The following PRICKLE1 variants were observed in gnomAD, a reference collection of about 807,000 sequenced individuals.
PRICKLE1 encodes the protein prickle planar cell polarity protein 1.
A neutral mutation model predicts 70.2 loss-of-function variants in PRICKLE1; 14 were observed. The observed-to-expected ratio is 0.20, with a 90% CI of 0.13 to 0.31. PRICKLE1 has a LOEUF of 0.31. Ranked by LOEUF, PRICKLE1 falls within the 10% of genes least tolerant of loss-of-function variation. PRICKLE1 has a pLI of 1.00. For missense variants in PRICKLE1, 821 were observed against 1,026.2 expected, an observed-to-expected ratio of 0.80 and a Z score of 2.73; for synonymous variants, 357 against 379.9, an observed-to-expected ratio of 0.94 and a Z score of 0.70.
chr12:42,550,606 C>T (rs975710963), intron 1 of PRICKLE1, among the ~76,000 whole-genome samples: 2 of 152,182 alleles, frequency 1.3e-5, no homozygotes, highest in Admixed American at 1.3e-4. Flanking sequence ...CCCTATAGTA[C>T]TACCTGAATT....
chr12:42,583,907 C>A (rs1340385354), intron 1 of PRICKLE1, among the ~76,000 whole-genome samples: 2 of 152,132 alleles, frequency 1.3e-5, no homozygotes, highest in Non-Finnish European at 2.9e-5. Flanking sequence ...CCAAAATTGT[C>A]CTGGAAACAG....
intron 1 of PRICKLE1, among the ~76,000 whole-genome samples, chr12:42,566,160 T>C (rs964550657): frequency 2.6e-5 from 4 of 152,070 alleles, no homozygotes; most frequent in Admixed American, 6.6e-5. Context: ...CTCTGCTTTG[T>C]GGAAGAGGCC....
chr12:42,565,609 A>G (rs1472301349), intron 1 of PRICKLE1, among the ~76,000 whole-genome samples: 2 of 152,246 alleles, frequency 1.3e-5, no homozygotes, highest in African/African-American at 4.8e-5. Context: ...CACAACAACC[A>G]AAGCAGTCAT....
rs1424291875 is a variant in PRICKLE1, at chr12:42,466,330, C to T, written c.639G>A (p.Met213Ile). 1 of 1,614,084 alleles carries T rather than the reference C, an allele frequency of 6.2e-7. No individual in the cohort carries two copies. The highest frequency in any genetic ancestry group is 8.5e-7 in the Non-Finnish European group (1 of 1,180,052). Residue 213 changes from methionine (M) to isoleucine (I), a missense_variant, in exon 6 of 8, where the codon ATG becomes ATA. By Grantham distance (10) the Met-to-Ile change is conservative (BLOSUM62 1). Transcript: ENST00000345127. ...CACACTCAAGGCAGCAGAAGTGTTT[C>T]ATGTGCCAATGGCGACCCTCAGCTT... Reference protein sequence around the residue: ...CTEAEGRHWHMKHFCCLECET... With the variant: ...CTEAEGRHWHIKHFCCLECET...
intron 1 of PRICKLE1, among the ~76,000 whole-genome samples, chr12:42,506,035 T>C (rs1939403392): frequency 6.6e-6 from 1 of 152,118 alleles, no homozygotes; most frequent in Non-Finnish European, 1.5e-5. Context: ...ATTTTAAGTT[T>C]TCATTCATTA....
chr12:42,577,431 C>G (rs937425338), intron 1 of PRICKLE1, among the ~76,000 whole-genome samples: 2 of 152,030 alleles, frequency 1.3e-5, no homozygotes, highest in Non-Finnish European at 2.9e-5. Context: ...ACTGGCCACA[C>G]TGAATAATAA....
chr12:42,512,281 G>A lies in PRICKLE1; in HGVS notation c.-48-39717C>T, dbSNP rs796131821. 4.0e-5 allele frequency among the ~76,000 whole-genome samples: 6 copies of A among 151,504 alleles called. No individual in the cohort carries two copies. In the East Asian group the frequency reaches 7.9e-4, roughly 20 times the overall value. ...TGCCTCCCAGGTTCAAGCAATTCTT[G>A]TGCCTCAGCCTCCTGAGTAGCTGGG... On this transcript the variant is annotated intron_variant, in intron 1 of 7. Transcript: ENST00000345127.
chr12:42,465,381 A>C, intron 6 of PRICKLE1, 123 bp from the exon 7 acceptor site: 1 of 854,046 alleles, frequency 1.2e-6, no homozygotes, highest in Non-Finnish European at 1.8e-6. Flanking sequence ...GGTGACACAG[A>C]TATAATTAAT....
intron 1 of PRICKLE1, among the ~76,000 whole-genome samples, chr12:42,534,914 A>G (rs1440326351): frequency 1.3e-5 from 2 of 152,246 alleles, no homozygotes; most frequent in African/African-American, 4.8e-5. Flanking sequence ...TGCAGTAGAT[A>G]TGTATGGTTT....
chr12:42,568,824 A>G (rs774742759), intron 1 of PRICKLE1, among the ~76,000 whole-genome samples: 10 of 152,160 alleles, frequency 6.6e-5, no homozygotes, highest in Non-Finnish European at 1.2e-4. Context: ...GTAATTTCTC[A>G]TTCTTCAACC....
intron 1 of PRICKLE1, among the ~76,000 whole-genome samples, chr12:42,587,770 T>C (rs1236191227): frequency 1.3e-5 from 2 of 152,224 alleles, no homozygotes; most frequent in African/African-American, 2.4e-5. Context: ...GACAGCAAGA[T>C]GAATGGCTGC....
At chr12:42,588,862 T>C (rs1204484719) in intron 1 of PRICKLE1, among the ~76,000 whole-genome samples, 3 of 152,192 alleles carry the variant, frequency 2.0e-5, no homozygotes, top group Non-Finnish European at 4.4e-5. Context: ...CTAATAACTA[T>C]TAACATGCCT....
At chr12:42,502,260 TATATACCTAC>T (rs1224990915) in intron 1 of PRICKLE1, among the ~76,000 whole-genome samples, 2 of 147,396 alleles carry the variant, frequency 1.4e-5, no homozygotes, top group Non-Finnish European at 3.0e-5. Context: ...CACCTATATA[TATATACCTAC>T]ATATATATAT....
intron 1 of PRICKLE1, among the ~76,000 whole-genome samples, chr12:42,549,950 T>A (rs1286066467): frequency 6.6e-6 from 1 of 152,190 alleles, no homozygotes; most frequent in African/African-American, 2.4e-5. Flanking sequence ...ACTAACAACT[T>A]GGGAAACTTC....
At chr12:42,511,989 G>A (rs1939520734) in intron 1 of PRICKLE1, among the ~76,000 whole-genome samples, 1 of 152,142 alleles carries the variant, frequency 6.6e-6, no homozygotes, top group Non-Finnish European at 1.5e-5. Context: ...ATCTGCATCT[G>A]ACTCCCCTTA....
rs184308016 is a variant in PRICKLE1 at position 42,499,193 on chromosome 12, G to A, written c.-48-26629C>T. ...AAAAAAATCCTTATAACAACATAAG[G>A]TGGATCTTATTTTCCCATTTTACAA... On this transcript the variant is annotated intron_variant, in intron 1 of 7. Coordinates refer to ENST00000345127, the MANE Select transcript of PRICKLE1 (RefSeq NM_153026.3). Among the ~76,000 whole-genome samples the A allele has an allele frequency of 3.3e-5, 5 of 152,218 alleles. No individual in the cohort carries two copies. In the East Asian group the frequency reaches 9.7e-4, roughly 29 times the overall value.
chr12:42,525,717 C>CTT (rs34785466), intron 1 of PRICKLE1, among the ~76,000 whole-genome samples: 20 of 138,532 alleles, frequency 1.4e-4, no homozygotes, highest in African/African-American at 5.0e-4. Context: ...GCTTTGTTTG[C>CTT]TTTTTTTTTT....
intron 1 of PRICKLE1, among the ~76,000 whole-genome samples, chr12:42,532,672 C>T (rs1014908556): frequency 2.0e-5 from 3 of 151,772 alleles, no homozygotes; most frequent in Non-Finnish European, 4.4e-5. Flanking sequence ...CTGAGGCGGG[C>T]GGATCACGAG....
intron 1 of PRICKLE1, among the ~76,000 whole-genome samples, chr12:42,585,259 C>T (rs1332732827): frequency 6.6e-6 from 1 of 152,156 alleles, no homozygotes; most frequent in Non-Finnish European, 1.5e-5. Flanking sequence ...TTGGCTTCTG[C>T]CTGGCTGACA....
Sources: allele counts gnomAD v4.1 joint callset (sites outside exome capture counted in the v4.1 genomes callset), GRCh38; gene constraint gnomAD v4.1.1; transcripts MANE v1.5; gene names NCBI Gene and HGNC (gene_info 2026-07-23, HGNC 2026-07-21).